The following ARHGAP15 variants were observed in gnomAD, a reference collection of about 807,000 sequenced individuals.
ARHGAP15 encodes the protein Rho GTPase activating protein 15, also known as rho GTPase-activating protein 15.
ARHGAP15 carries 51 observed loss-of-function variants against 63.7 expected under a neutral mutation model. That is an observed-to-expected ratio of 0.80 (90% confidence interval 0.64 to 1.01). The LOEUF is 1.01. ARHGAP15 is among the 50% of genes least tolerant of loss of function. ARHGAP15 has a pLI of 0.00. For missense variants in ARHGAP15, 560 were observed against 564.6 expected (o/e 0.99, Z 0.08); for synonymous variants, 191 against 193.8 (o/e 0.99, Z 0.12).
intron 13 of ARHGAP15, among the ~76,000 whole-genome samples, chr2:143,724,651 A>G (rs951993250): frequency 1.3e-5 from 2 of 152,212 alleles, no homozygotes; most frequent in African/African-American, 4.8e-5. Context: ...GAGGAAATGT[A>G]GGTTTGGGAA....
chr2:143,501,985 G>A (rs1693085055), intron 9 of ARHGAP15, among the ~76,000 whole-genome samples: 1 of 152,172 alleles, frequency 6.6e-6, no homozygotes, highest in Non-Finnish European at 1.5e-5. Context: ...GGCAGGATGT[G>A]AATAGTGGGT....
chr2:143,671,176 G>T (rs1452149868), intron 12 of ARHGAP15, among the ~76,000 whole-genome samples: 3 of 152,112 alleles, frequency 2.0e-5, no homozygotes, highest in African/African-American at 7.2e-5. Context: ...ACAGCTTTCG[G>T]TTTTCTTTTG....
At position 143,464,580 on chromosome 2, in the gene ARHGAP15, T is replaced by C. The variant is rs538298984; in HGVS notation, c.704-22793T>C. The stretch of plus-strand genomic sequence containing the variant: ...CAGACAAGTTATTTATATTACTAAA[T>C]ATAAATGACAGAAATTTCTATGACA... On this transcript the variant is annotated intron_variant, in intron 8 of 13. Coordinates refer to ENST00000295095, the MANE Select transcript of ARHGAP15 (RefSeq NM_018460.4). 5.9e-5 allele frequency among the ~76,000 whole-genome samples: 9 copies of C among 152,276 alleles called. No homozygotes were observed. The South Asian group carries it at 1.9e-3, about 32-fold the overall frequency.
chr2:143,731,073 A>G (rs752012816), intron 13 of ARHGAP15, among the ~76,000 whole-genome samples: 56 of 152,128 alleles, frequency 3.7e-4, no homozygotes, highest in Admixed American at 1.8e-3. Flanking sequence ...TAAGAGGGAA[A>G]TGGTCTATTG....
chr2:143,686,459 C>G (rs897027686), intron 12 of ARHGAP15, among the ~76,000 whole-genome samples: 3 of 149,940 alleles, frequency 2.0e-5, no homozygotes, highest in African/African-American at 7.4e-5. Context: ...TCACTCCCAA[C>G]CCCTAAGGAA....
At chr2:143,521,294 C>T (rs1435584147) in intron 10 of ARHGAP15, among the ~76,000 whole-genome samples, 1 of 152,122 alleles carries the variant, frequency 6.6e-6, no homozygotes, top group African/African-American at 2.4e-5. Flanking sequence ...AACTAAGAAG[C>T]ACAAGATAAA....
chr2:143,693,303 C>G (rs140531220), intron 12 of ARHGAP15, among the ~76,000 whole-genome samples: 6 of 152,292 alleles, frequency 3.9e-5, no homozygotes, highest in African/African-American at 9.6e-5. Context: ...GCTTCACATG[C>G]TAGTATAAAA....
chr2:143,362,872 C>T (rs1686123616), intron 6 of ARHGAP15, among the ~76,000 whole-genome samples: 1 of 152,164 alleles, frequency 6.6e-6, no homozygotes, highest in African/African-American at 2.4e-5. Context: ...ATTAAGCAAT[C>T]ATGGTCCATG....
At chr2:143,737,116 C>T (rs577088522) in intron 13 of ARHGAP15, among the ~76,000 whole-genome samples, 20 of 152,282 alleles carry the variant, frequency 1.3e-4, no homozygotes, top group African/African-American at 4.6e-4. Flanking sequence ...AACAGATGAG[C>T]GCAGTTGAGA....
At chr2:143,364,592 A>G (rs139153360) in intron 6 of ARHGAP15, among the ~76,000 whole-genome samples, 50 of 152,358 alleles carry the variant, frequency 3.3e-4, no homozygotes, top group African/African-American at 1.1e-3. Context: ...TTATGCCCCA[A>G]TGAAGAATCA....
In ARHGAP15 at chr2:143,757,247, C is replaced by A. The variant is rs139477250; in HGVS notation, c.1245-10742C>A. ...CACAGAGGCTGGGCACAGTGGCTCACGCCTGTAATCCCGGCACTGTGGGAG... is the reference window on the plus strand; with the variant it reads ...CACAGAGGCTGGGCACAGTGGCTCAAGCCTGTAATCCCGGCACTGTGGGAG... On this transcript the variant is annotated intron_variant, in intron 13 of 13. Transcript: ENST00000295095. Among the ~76,000 whole-genome samples, 8 of 152,240 alleles carry A rather than the reference C, an allele frequency of 5.3e-5. No individual in the cohort carries two copies. In the East Asian group the frequency reaches 1.5e-3, roughly 29 times the overall value.
At chr2:143,708,928 T>C (rs1169268103) in intron 13 of ARHGAP15, among the ~76,000 whole-genome samples, 2 of 152,124 alleles carry the variant, frequency 1.3e-5, no homozygotes, top group East Asian at 3.9e-4. Flanking sequence ...CAGTCACCAA[T>C]ATAAACACTC....
chr2:143,437,302 G>C, intron 8 of ARHGAP15: 1 of 372,274 alleles, frequency 2.7e-6, no homozygotes, highest in Non-Finnish European at 4.9e-6. Context: ...CTGAGTAATA[G>C]CCATGGTGTT....
Position 143,413,966 on chromosome 2 carries a change from T to TGTGTGCGCGCGCGCGCGCGC in ARHGAP15, c.475-21634_475-21633insTGTGCGCGCGCGCGCGCGCG. On this transcript the variant is annotated intron_variant, in intron 6 of 13. Coordinates refer to ENST00000295095, the MANE Select transcript of ARHGAP15 (RefSeq NM_018460.4). ...GTGTGTGTGTGTGTGTGTGTGTGTG[T>TGTGTGCGCGCGCGCGCGCGC]GCGCGCTCTCTGGCAGAAAGTTAAT... is the stretch of plus-strand genomic sequence containing the variant. 3.7e-3 allele frequency among the ~76,000 whole-genome samples: 432 copies of TGTGTGCGCGCGCGCGCGCGC among 117,860 alleles called. 2 individuals are homozygous for TGTGTGCGCGCGCGCGCGCGC. The highest frequency in any genetic ancestry group is 0.014 in the African/African-American group (400 of 28,186). The allele number at this position is 117,860 out of a possible 152,430, so 77.3% of individuals were successfully genotyped here. A position where few individuals can be genotyped will look rare whatever the true frequency, so the allele number is the denominator to read the frequency against.
At chr2:143,672,869 T>G (rs1682598027) in intron 12 of ARHGAP15, among the ~76,000 whole-genome samples, 1 of 152,226 alleles carries the variant, frequency 6.6e-6, no homozygotes, top group Admixed American at 6.5e-5. Context: ...TGCATTCCTG[T>G]ACTTTCAAGA....
At chr2:143,646,285 A>T (rs191030586) in intron 12 of ARHGAP15, among the ~76,000 whole-genome samples, 1 of 152,074 alleles carries the variant, frequency 6.6e-6, no homozygotes, top group Non-Finnish European at 1.5e-5. Context: ...TGAAAGAAGA[A>T]GGTGGAATGC....
chr2:143,221,964 G>A (rs1317284742), intron 4 of ARHGAP15, among the ~76,000 whole-genome samples: 1 of 152,120 alleles, frequency 6.6e-6, no homozygotes, highest in Non-Finnish European at 1.5e-5. Context: ...GACTTTCTTT[G>A]GAATGTGAGA....
chr2:143,402,874 C>CA (rs1363452810), intron 6 of ARHGAP15, among the ~76,000 whole-genome samples: 3 of 151,708 alleles, frequency 2.0e-5, no homozygotes, highest in Non-Finnish European at 4.4e-5. Flanking sequence ...AATTTTTTTT[C>CA]ACCTGTTAGC....
chr2:143,445,677 T>A (rs1410728735), intron 8 of ARHGAP15, among the ~76,000 whole-genome samples: 1 of 152,120 alleles, frequency 6.6e-6, no homozygotes, highest in Non-Finnish European at 1.5e-5. Context: ...GGTTATCTCT[T>A]TACAAAGTTA....
Sources: gnomAD v4.1 joint callset for allele counts (sites outside exome capture counted in the v4.1 genomes callset) on GRCh38, gnomAD v4.1.1 for gene constraint, MANE v1.5 for transcripts, NCBI Gene and HGNC (gene_info 2026-07-23, HGNC 2026-07-21) for gene names.